KCNC2: variants seen among roughly 807,000 people sequenced by gnomAD.
The protein encoded by KCNC2 is voltage-gated potassium channel KCNC2.
KCNC2 carries 21 observed loss-of-function variants against 44.5 expected under a neutral mutation model. That is an observed-to-expected ratio of 0.47 (90% CI 0.33 to 0.68). KCNC2 has a LOEUF of 0.68. Among genes scored for constraint, KCNC2 ranks in the 30% least tolerant of loss-of-function variants. The probability of loss-of-function intolerance (pLI) is 0.01; values close to 1 mark genes in which losing one functional copy is unlikely to be tolerated. For synonymous variants in KCNC2, 391 were observed against 339.1 expected (o/e 1.15, Z -1.68); for missense variants, 589 against 826.2 (o/e 0.71, Z 3.52).
At chr12:75,108,767 A>G (rs911476625) in intron 2 of KCNC2, among the ~76,000 whole-genome samples, 17 of 152,204 alleles carry the variant, frequency 1.1e-4, no homozygotes, top group African/African-American at 4.1e-4. Context: ...TTCAAGGCTA[A>G]GATAGTTTTT....
chr12:75,080,798 A>G (rs984409824), intron 2 of KCNC2, among the ~76,000 whole-genome samples: 16 of 151,976 alleles, frequency 1.1e-4, no homozygotes, highest in African/African-American at 3.9e-4. Flanking sequence ...ACACATTCAC[A>G]TGTGCATGTG....
At chr12:75,079,972 C>T (rs1650880033) in intron 2 of KCNC2, among the ~76,000 whole-genome samples, 1 of 152,054 alleles carries the variant, frequency 6.6e-6, no homozygotes, top group Admixed American at 6.6e-5. Flanking sequence ...AAAAGGAATA[C>T]CTTCGATGTT....
intron 2 of KCNC2, among the ~76,000 whole-genome samples, chr12:75,149,827 T>C (rs1294239267): frequency 6.6e-6 from 1 of 151,842 alleles, no homozygotes; most frequent in East Asian, 1.9e-4. Flanking sequence ...AAATTCAACA[T>C]CTTCTTACTC....
rs200221678 is a variant in KCNC2 at position 75,207,197 on chromosome 12, A to AC, written c.687+99dup. On this transcript the variant is annotated intron_variant, in intron 2 of 4. Coordinates refer to ENST00000549446, the MANE Select transcript of KCNC2 (RefSeq NM_139137.4). The surrounding 1 kb of genome is among the most constrained non-coding windows in gnomAD (Gnocchi z 4.1). Reference sequence around the variant, plus strand: ...CGCTAGGAAATCCCGGGTCTCTTCTACCCCCCATGCCTGAGGCCCTGGGGT... The same window carrying AC: ...CGCTAGGAAATCCCGGGTCTCTTCTACCCCCCCATGCCTGAGGCCCTGGGGT... 4 of 1,469,290 alleles carry AC rather than the reference A, an allele frequency of 2.7e-6. No homozygotes were observed. Among genetic ancestry groups the AC allele is most frequent in the East Asian group, 2.5e-5 (1 of 39,730 alleles). 91.0% of individuals were successfully genotyped at this position (1,469,290 alleles called of 1,614,324 possible).
chr12:75,122,914 G>A (rs1011096999), intron 2 of KCNC2, among the ~76,000 whole-genome samples: 7 of 152,002 alleles, frequency 4.6e-5, no homozygotes, highest in African/African-American at 1.7e-4. Flanking sequence ...ATGCCAATCT[G>A]CCTTGATAAT....
At chr12:75,062,414 G>A (rs1355614339) in intron 2 of KCNC2, among the ~76,000 whole-genome samples, 2 of 152,014 alleles carry the variant, frequency 1.3e-5, no homozygotes, top group Non-Finnish European at 2.9e-5. Context: ...TTTTTCATTT[G>A]TCTTCTAGAT....
rs181354007 is a variant in KCNC2, at chr12:75,159,035, G to A, written c.687+48262C>T. Among the ~76,000 whole-genome samples the A allele has an allele frequency of 7.6e-4, 114 of 150,368 alleles. No homozygotes were observed. The East Asian group carries it at 0.015, about 20-fold the overall frequency. Reference sequence around the variant, plus strand: ...CTGTTAAGAAATATCTGAGAACACCGCATGTTCTCTCTCCTAAGTGGGAGC... The same window carrying A: ...CTGTTAAGAAATATCTGAGAACACCACATGTTCTCTCTCCTAAGTGGGAGC... On this transcript the variant is annotated intron_variant, in intron 2 of 4. Coordinates refer to ENST00000549446, the MANE Select transcript of KCNC2 (RefSeq NM_139137.4).
At chr12:75,137,211 T>C (rs1026929815) in intron 2 of KCNC2, among the ~76,000 whole-genome samples, 1 of 152,148 alleles carries the variant, frequency 6.6e-6, no homozygotes, top group Non-Finnish European at 1.5e-5. Context: ...TCAGTAGATG[T>C]TTTTCTCTTT....
chr12:75,197,726 G>A (rs933298898), intron 2 of KCNC2, among the ~76,000 whole-genome samples: 1 of 151,860 alleles, frequency 6.6e-6, no homozygotes, highest in Admixed American at 6.6e-5. Context: ...AGTTAAAGGA[G>A]AATGTACAAA....
chr12:75,075,456 TACATATATATATATATATATATATATAC>T (rs1565832212), intron 2 of KCNC2, among the ~76,000 whole-genome samples: 1 of 13,310 alleles, frequency 7.5e-5, no homozygotes, highest in Non-Finnish European at 1.8e-4. Context: ...AATATATATA[TACATATATATATATATATATATATATAC>T]ACATATATAT....
At chr12:75,119,404 G>A (rs1887896220) in intron 2 of KCNC2, among the ~76,000 whole-genome samples, 2 of 152,140 alleles carry the variant, frequency 1.3e-5, no homozygotes, top group African/African-American at 4.8e-5. Flanking sequence ...GGTTAGTTAA[G>A]TGCTTTCCCT....
chr12:75,191,701 G>C (rs1288537036), intron 2 of KCNC2, among the ~76,000 whole-genome samples: 44 of 150,574 alleles, frequency 2.9e-4, no homozygotes, highest in Non-Finnish European at 5.6e-4. Flanking sequence ...CAGGCGCCCG[G>C]CACCGCGCCC....
At chr12:75,162,417 G>A (rs532401360) in intron 2 of KCNC2, among the ~76,000 whole-genome samples, 3 of 151,700 alleles carry the variant, frequency 2.0e-5, no homozygotes, top group East Asian at 3.9e-4. Context: ...ATCAGCTCAG[G>A]GTCTCCTCAG....
chr12:75,073,135 T>A (rs1883587258), intron 2 of KCNC2, among the ~76,000 whole-genome samples: 1 of 152,220 alleles, frequency 6.6e-6, no homozygotes, highest in Admixed American at 6.5e-5. Context: ...AAAGAGCTAC[T>A]GCCATTTCTT....
chr12:75,173,603 C>G (rs1891981013), intron 2 of KCNC2, among the ~76,000 whole-genome samples: 1 of 151,794 alleles, frequency 6.6e-6, no homozygotes, highest in Non-Finnish European at 1.5e-5. Flanking sequence ...CCAATGATTG[C>G]CATCTTTATT....
intron 1 of KCNC2, among the ~76,000 whole-genome samples, chr12:75,208,336 A>G (rs914763593): frequency 2.7e-5 from 4 of 150,238 alleles, no homozygotes; most frequent in Non-Finnish European, 5.9e-5. Flanking sequence ...TTCTGTTCCC[A>G]CTCAAGTCCA....
At chr12:75,126,396 G>C (rs1482982639) in intron 2 of KCNC2, among the ~76,000 whole-genome samples, 1 of 152,166 alleles carries the variant, frequency 6.6e-6, no homozygotes, top group East Asian at 1.9e-4. Context: ...CCTACAATGT[G>C]TCAGACACTG....
chr12:75,107,181 G>C (rs1208311897), intron 2 of KCNC2, among the ~76,000 whole-genome samples: 2 of 152,112 alleles, frequency 1.3e-5, no homozygotes, highest in Non-Finnish European at 2.9e-5. Context: ...TCACACACCT[G>C]TGGTCCCAGC....
chr12:75,183,364 C>T (rs1238096889), intron 2 of KCNC2, among the ~76,000 whole-genome samples: 1 of 152,140 alleles, frequency 6.6e-6, no homozygotes, highest in Non-Finnish European at 1.5e-5. Context: ...CTTTCTAAAA[C>T]AAATTGTAGT....
Sources: allele counts gnomAD v4.1 joint callset (sites outside exome capture counted in the v4.1 genomes callset), GRCh38; gene constraint gnomAD v4.1.1; non-coding constraint Gnocchi (gnomAD v3.1); transcripts MANE v1.5; gene names NCBI Gene and HGNC (gene_info 2026-07-23, HGNC 2026-07-21).